The following GPR158 variants were observed in gnomAD, a reference collection of about 807,000 sequenced individuals.
GPR158 encodes the protein G protein-coupled receptor 158, also known as metabotropic glycine receptor.
GPR158 carries 30 observed loss-of-function variants against 78.2 expected under a neutral mutation model. That is an observed-to-expected ratio of 0.38 (90% CI 0.29 to 0.52). The LOEUF (loss-of-function observed/expected upper bound fraction) is 0.52, where lower values mean the gene tolerates loss of function less well. Among genes scored for constraint, GPR158 ranks in the 20% least tolerant of loss-of-function variants. The pLI, the probability that GPR158 is intolerant of heterozygous loss-of-function variation, is 0.83. For synonymous variants in GPR158, 581 were observed against 591.1 expected (o/e 0.98, Z 0.25); for missense variants, 1,463 against 1,523.5 (o/e 0.96, Z 0.66).
At chr10:25,383,949 G>A (rs949242023) in intron 2 of GPR158, among the ~76,000 whole-genome samples, 3 of 152,168 alleles carry the variant, frequency 2.0e-5, no homozygotes, top group Non-Finnish European at 2.9e-5. Context: ...TACTTTAGCA[G>A]TTTGTTCCTC....
At position 25,175,489 on chromosome 10, in the gene GPR158, C is replaced by T; in HGVS notation, c.69C>T (p.Gly23=). The change falls in exon 1 of 11, where the codon GGC becomes GGT. Residue 23 remains glycine (G), a synonymous_variant. Coordinates refer to ENST00000376351, the MANE Select transcript of GPR158 (RefSeq NM_020752.3). The surrounding 1 kb of genome is among the most constrained non-coding windows in gnomAD (Gnocchi z 6.4). ...LLAQLGLGAV[G]ASRDPQGRPD... is the part of the protein sequence containing the mutation. ...CTCAGCTGGGATTGGGAGCTGTTGG[C>T]GCCAGCCGCGACCCCCAAGGACGGC... is the stretch of plus-strand genomic sequence containing the variant. The T allele has an allele frequency of 1.2e-6, 2 of 1,610,780 alleles. No individual in the cohort carries two copies. Among genetic ancestry groups the T allele is most frequent in the East Asian group, 2.2e-5 (1 of 44,804 alleles).
chr10:25,598,754 C>T lies in GPR158; in HGVS notation c.3128C>T (p.Ser1043Phe), dbSNP rs1374104989. ...GAAATGGAGAAAAACCCCACTTTTTCCTTAAAGGAGAAATCTCACCACAAG... is the reference window on the plus strand; with the variant it reads ...GAAATGGAGAAAAACCCCACTTTTTTCTTAAAGGAGAAATCTCACCACAAG... ...ASEMEKNPTF[S>F]LKEKSHHKPK... Residue 1043 changes from serine (S) to phenylalanine (F), a missense_variant, in exon 11 of 11, where the codon TCC becomes TTC. Physicochemically the swap from Ser to Phe is radical, Grantham distance 155 (BLOSUM62 -2). Transcript: ENST00000376351. 6.2e-7 allele frequency: 1 copy of T among 1,613,836 alleles called. No individual in the cohort carries two copies. The highest frequency in any genetic ancestry group is 8.5e-7 in the Non-Finnish European group (1 of 1,179,988).
At chr10:25,361,825 A>G (rs142562811) in intron 2 of GPR158, among the ~76,000 whole-genome samples, 32 of 152,000 alleles carry the variant, frequency 2.1e-4, no homozygotes, top group African/African-American at 7.0e-4. Context: ...GGACTTCTTT[A>G]TATATTGTAT....
At chr10:25,457,842 A>G (rs1288932072) in intron 4 of GPR158, among the ~76,000 whole-genome samples, 1 of 152,226 alleles carries the variant, frequency 6.6e-6, no homozygotes, top group Non-Finnish European at 1.5e-5. Flanking sequence ...AAATCAGATG[A>G]GACTAGAGGG....
intron 4 of GPR158, among the ~76,000 whole-genome samples, chr10:25,460,026 C>G (rs994399158): frequency 1.4e-4 from 21 of 152,056 alleles, no homozygotes; most frequent in Admixed American, 1.4e-3. Flanking sequence ...AATGATAACT[C>G]CCCCAGCTTT....
intron 5 of GPR158, among the ~76,000 whole-genome samples, chr10:25,527,051 T>A (rs1836357419): frequency 6.6e-6 from 1 of 151,442 alleles, no homozygotes; most frequent in Non-Finnish European, 1.5e-5. Flanking sequence ...AAGAGGGACA[T>A]GTTATCATGA....
At chr10:25,501,259 G>A (rs1299832028) in intron 5 of GPR158, among the ~76,000 whole-genome samples, 1 of 152,148 alleles carries the variant, frequency 6.6e-6, no homozygotes, top group African/African-American at 2.4e-5. Flanking sequence ...GCACTGCGCA[G>A]TCTCACTCGG....
chr10:25,196,263 C>CTT (rs1247888592), intron 1 of GPR158, among the ~76,000 whole-genome samples: 1 of 149,692 alleles, frequency 6.7e-6, no homozygotes, highest in African/African-American at 2.4e-5. Flanking sequence ...TTATTCTTTT[C>CTT]TTTTTTTGTT....
intron 7 of GPR158, among the ~76,000 whole-genome samples, chr10:25,581,223 C>T (rs1219275190): frequency 6.6e-6 from 1 of 151,976 alleles, no homozygotes; most frequent in Non-Finnish European, 1.5e-5. Context: ...CCACCGCGCC[C>T]GGCGCTAATT....
chr10:25,287,931 T>C (rs577979285), intron 2 of GPR158, among the ~76,000 whole-genome samples: 1 of 152,200 alleles, frequency 6.6e-6, no homozygotes, highest in South Asian at 2.1e-4. Flanking sequence ...GTAGAATATA[T>C]ATGCATGGAA....
At chr10:25,465,710 A>T (rs1485712251) in intron 4 of GPR158, among the ~76,000 whole-genome samples, 1 of 152,204 alleles carries the variant, frequency 6.6e-6, no homozygotes, top group East Asian at 1.9e-4. Flanking sequence ...GGAGATACGC[A>T]GACTTCAAGA....
At position 25,306,547 on chromosome 10, in the gene GPR158, A is replaced by G. The variant is rs192677341; in HGVS notation, c.1008+85390A>G. Among the ~76,000 whole-genome samples, 512 of 152,362 alleles carry G rather than the reference A, an allele frequency of 3.4e-3. 3 individuals are homozygous for G. The highest frequency in any genetic ancestry group is 0.011 in the African/African-American group (472 of 41,596). ...GTCTTTTACTACCTTTTCACAATATATGTATGCATGCATGTATGTATATGC... is the reference window on the plus strand; with the variant it reads ...GTCTTTTACTACCTTTTCACAATATGTGTATGCATGCATGTATGTATATGC... On this transcript the variant is annotated intron_variant, in intron 2 of 10. Transcript: ENST00000376351.
At chr10:25,205,304 G>GTTTT (rs1853008648) in intron 1 of GPR158, among the ~76,000 whole-genome samples, 1 of 131,906 alleles carries the variant, frequency 7.6e-6, no homozygotes, top group Non-Finnish European at 1.6e-5. Context: ...TCTAAATAGT[G>GTTTT]TTCTATTTTT....
intron 3 of GPR158, among the ~76,000 whole-genome samples, chr10:25,398,869 T>C (rs921291526): frequency 6.6e-6 from 1 of 152,134 alleles, no homozygotes; most frequent in Non-Finnish European, 1.5e-5. Context: ...AGTCGCTGCA[T>C]GTTGTAATTT....
At chr10:25,258,690 T>C (rs1482193445) in intron 2 of GPR158, among the ~76,000 whole-genome samples, 1 of 152,122 alleles carries the variant, frequency 6.6e-6, no homozygotes, top group Non-Finnish European at 1.5e-5. Context: ...AACAAGATAA[T>C]AAATATTTTA....
At chr10:25,431,687 T>G (rs182130684) in intron 4 of GPR158, among the ~76,000 whole-genome samples, 4,201 of 150,936 alleles carry the variant, frequency 0.028, 82 homozygotes, top group Non-Finnish European at 0.043. Flanking sequence ...CCATAAAAAA[T>G]GATGAGTTCA....
intron 4 of GPR158, among the ~76,000 whole-genome samples, chr10:25,448,291 CGTG>C (rs1835166532): frequency 6.6e-6 from 1 of 151,722 alleles, no homozygotes; most frequent in Non-Finnish European, 1.5e-5. Flanking sequence ...GGGGTTTCAC[CGTG>C]TTAGCCAGGA....
rs577729593 is a variant in GPR158 at position 25,471,906 on chromosome 10, G to A, written c.1404+5187G>A. Among the ~76,000 whole-genome samples the A allele has an allele frequency of 6.6e-5, 10 of 152,240 alleles. No homozygotes were observed. In the East Asian group the frequency reaches 1.7e-3, roughly 26 times the overall value. The stretch of plus-strand genomic sequence containing the variant: ...GGTTGCGAAAATTTTCTCCCATTTT[G>A]TAGGTTGCCTGTTCACTCTGATGGT... On this transcript the variant is annotated intron_variant, in intron 5 of 10. Coordinates refer to ENST00000376351, the MANE Select transcript of GPR158 (RefSeq NM_020752.3).
At chr10:25,356,579 A>G (rs116144779) in intron 2 of GPR158, among the ~76,000 whole-genome samples, 1 of 136,454 alleles carries the variant, frequency 7.3e-6, no homozygotes, top group South Asian at 2.2e-4. Context: ...AATGGGTCTT[A>G]CAAGATTTGA....
Sources: allele counts gnomAD v4.1 joint callset (sites outside exome capture counted in the v4.1 genomes callset), GRCh38; gene constraint gnomAD v4.1.1; non-coding constraint Gnocchi (gnomAD v3.1); transcripts MANE v1.5; gene names NCBI Gene and HGNC (gene_info 2026-07-23, HGNC 2026-07-21).